Variants in B3GLCT observed in about 807,000 individuals in gnomAD.
The protein encoded by B3GLCT is beta-1,3-glucosyltransferase.
Under a neutral mutation model 63.4 loss-of-function variants are expected in B3GLCT, and 65 were observed. The observed-to-expected ratio is 1.03, with a 90% CI of 0.84 to 1.26. The LOEUF is 1.26. Ranked by LOEUF, B3GLCT falls within the 50% of genes most tolerant of loss-of-function variation. The pLI is 0.00. For synonymous variants in B3GLCT, 233 were observed against 219.2 expected (o/e 1.06, Z -0.55); for missense variants, 577 against 604.8 (o/e 0.95, Z 0.48).
chr13:31,289,915 G>T (rs1873561375), intron 12 of B3GLCT, among the ~76,000 whole-genome samples: 1 of 151,028 alleles, frequency 6.6e-6, no homozygotes, highest in African/African-American at 2.4e-5. Flanking sequence ...TATGCAAAAT[G>T]TGCAGGTTTG....
intron 4 of B3GLCT, among the ~76,000 whole-genome samples, chr13:31,245,194 T>C (rs1871141771): frequency 6.6e-6 from 1 of 152,198 alleles, no homozygotes; most frequent in African/African-American, 2.4e-5. Flanking sequence ...AAATTATTAA[T>C]AAGCTTGTCT....
At chr13:31,313,233 C>G (rs1240247305) in intron 12 of B3GLCT, among the ~76,000 whole-genome samples, 1 of 152,144 alleles carries the variant, frequency 6.6e-6, no homozygotes, top group Non-Finnish European at 1.5e-5. Context: ...GAGACCAGAA[C>G]TGTTAATGTT....
chr13:31,285,604 TAAAAAAAAAA>T (rs11339832), intron 11 of B3GLCT, among the ~76,000 whole-genome samples: 3 of 84,210 alleles, frequency 3.6e-5, no homozygotes, highest in African/African-American at 8.9e-5. Flanking sequence ...CTTTTATGAG[TAAAAAAAAAA>T]AAAAAAAAAA....
chr13:31,234,173 A>G (rs1290573822), intron 4 of B3GLCT, among the ~76,000 whole-genome samples: 1 of 151,776 alleles, frequency 6.6e-6, no homozygotes, highest in Non-Finnish European at 1.5e-5. Flanking sequence ...ACCCGCCACC[A>G]CACCTGGCTA....
At chr13:31,259,874 G>A (rs1284782813) in intron 6 of B3GLCT, among the ~76,000 whole-genome samples, 12 of 151,660 alleles carry the variant, frequency 7.9e-5, no homozygotes, top group East Asian at 1.9e-4. Flanking sequence ...TAGGGTACAT[G>A]TGTACAACGT....
intron 6 of B3GLCT, among the ~76,000 whole-genome samples, chr13:31,254,705 A>G (rs1593276371): frequency 6.6e-6 from 1 of 152,282 alleles, no homozygotes; most frequent in East Asian, 1.9e-4. Context: ...TCAATTAGGA[A>G]AAGAGGAAGT....
chr13:31,301,592 C>A (rs2137907886), intron 12 of B3GLCT, among the ~76,000 whole-genome samples: 1 of 152,288 alleles, frequency 6.6e-6, no homozygotes, highest in Admixed American at 6.5e-5. Context: ...CCTTTTCATC[C>A]CCAGATCATT....
At chr13:31,253,442 A>C (rs1871539557) in intron 6 of B3GLCT, among the ~76,000 whole-genome samples, 1 of 151,854 alleles carries the variant, frequency 6.6e-6, no homozygotes, top group Admixed American at 6.6e-5. Flanking sequence ...GTGCAAAAAA[A>C]ATTAGCTGGG....
intron 1 of B3GLCT, among the ~76,000 whole-genome samples, chr13:31,212,054 A>G (rs1473361512): frequency 6.6e-6 from 1 of 152,106 alleles, no homozygotes; most frequent in African/African-American, 2.4e-5. Flanking sequence ...AACCCCAGAG[A>G]TATTTGACTG....
At chr13:31,246,659 A>T (rs1017403449) in intron 4 of B3GLCT, among the ~76,000 whole-genome samples, 3 of 133,804 alleles carry the variant, frequency 2.2e-5, no homozygotes, top group African/African-American at 7.5e-5. Context: ...TGTGCCTCTG[A>T]GTTATCCCTG....
At chr13:31,218,529 A>G (rs1372951910) in intron 2 of B3GLCT, among the ~76,000 whole-genome samples, 1 of 152,000 alleles carries the variant, frequency 6.6e-6, no homozygotes, top group South Asian at 2.1e-4. Flanking sequence ...GTCAGCGTGG[A>G]TGTTATTTGT....
In B3GLCT at chr13:31,266,264, GTGATCCGCCCACCTCA is replaced by G. The variant is rs1566071094; in HGVS notation, c.597-2949_597-2934del. ...TTGCCCGCCTTGGCCTCCCAACCTC[GTGATCCGCCCACCTCA>G]GCCTCCCAAAGTACTGGGATTACAG... On this transcript the variant is annotated intron_variant, in intron 7 of 14. Coordinates refer to ENST00000343307, the MANE Select transcript of B3GLCT (RefSeq NM_194318.4). 9.2e-5 allele frequency among the ~76,000 whole-genome samples: 14 copies of G among 152,136 alleles called. No homozygotes were observed. In the East Asian group the frequency reaches 2.7e-3, roughly 29 times the overall value.
chr13:31,317,743 G>A lies in B3GLCT; in HGVS notation c.1184+58G>A, dbSNP rs1412280740. 5.0e-6 allele frequency: 8 copies of A among 1,608,460 alleles called. No individual in the cohort carries two copies. In the African/African-American group the frequency reaches 6.7e-5, roughly 13 times the overall value. On this transcript the variant is annotated intron_variant, in intron 13 of 14. Coordinates refer to ENST00000343307, the MANE Select transcript of B3GLCT (RefSeq NM_194318.4). ...TAAACATAAACTTCCCTTTCCACAC[G>A]AGAGGTAGGTCTCTGGCACTGGGAT...
chr13:31,223,793 G>A (rs781292012), intron 3 of B3GLCT, among the ~76,000 whole-genome samples: 11 of 152,142 alleles, frequency 7.2e-5, no homozygotes, highest in African/African-American at 1.4e-4. Flanking sequence ...ACCAGTAGCA[G>A]TGGAACCTCA....
At chr13:31,295,044 T>C (rs1873864022) in intron 12 of B3GLCT, among the ~76,000 whole-genome samples, 2 of 152,050 alleles carry the variant, frequency 1.3e-5, no homozygotes, top group East Asian at 3.9e-4. Context: ...TTTCTGTTTG[T>C]TAGTTATCCT....
chr13:31,261,112 G>A (rs1245310525), intron 7 of B3GLCT, 30 bp downstream of exon 7: 6 of 1,594,590 alleles, frequency 3.8e-6, no homozygotes, highest in Middle Eastern at 1.7e-4. Context: ...TTTTCGGGGG[G>A]CGGGAGGGGT....
At chr13:31,243,970 AC>A (rs1464578237) in intron 4 of B3GLCT, among the ~76,000 whole-genome samples, 3 of 152,180 alleles carry the variant, frequency 2.0e-5, no homozygotes, top group African/African-American at 7.2e-5. Context: ...CCTGCCTGTT[AC>A]GGCATTATCT....
intron 12 of B3GLCT, among the ~76,000 whole-genome samples, chr13:31,291,519 C>T (rs1336671634): frequency 2.6e-5 from 4 of 152,066 alleles, no homozygotes; most frequent in Non-Finnish European, 4.4e-5. Flanking sequence ...GTTTGTAGTT[C>T]TCCTTGAAGA....
rs1478496848 is a variant in B3GLCT, at chr13:31,247,091, G to T, written c.339G>T (p.Leu113Phe). Reference protein sequence around the residue: ...KQEGAWTILPLLPHFSVTYSR... With the variant: ...KQEGAWTILPFLPHFSVTYSR... The stretch of plus-strand genomic sequence containing the variant: ...AAGGTGCATGGACCATACTTCCGTT[G>T]TTACCGCAGTACGTTTGTTTAACTC... The change falls in exon 5 of 15, where the codon TTG (leucine) becomes TTT (phenylalanine). Residue 113 changes from leucine to phenylalanine, a missense_variant. Coordinates refer to ENST00000343307, the MANE Select transcript of B3GLCT (RefSeq NM_194318.4). 5 of 1,612,466 alleles carry T rather than the reference G, an allele frequency of 3.1e-6. No homozygotes were observed. The highest frequency in any genetic ancestry group is 4.2e-6 in the Non-Finnish European group (5 of 1,179,014).
Sources: allele counts gnomAD v4.1 joint callset (sites outside exome capture counted in the v4.1 genomes callset), GRCh38; gene constraint gnomAD v4.1.1; transcripts MANE v1.5; gene names NCBI Gene and HGNC (gene_info 2026-07-23, HGNC 2026-07-21).